The following SETD4 variants were observed in gnomAD, a reference collection of about 807,000 sequenced individuals.
The protein encoded by SETD4 is SET domain-containing protein 4.
In SETD4, 46 loss-of-function variants were observed where a neutral mutation model predicts 58.3. That is an observed-to-expected ratio of 0.79 (90% CI 0.62 to 1.01). The LOEUF (loss-of-function observed/expected upper bound fraction) is 1.01, where lower values mean the gene tolerates loss of function less well. SETD4 is among the 50% of genes least tolerant of loss of function. The pLI is 0.00. For missense variants in SETD4, 490 were observed against 523.3 expected, an observed-to-expected ratio of 0.94 and a Z score of 0.62; for synonymous variants, 190 against 202.6, an observed-to-expected ratio of 0.94 and a Z score of 0.53.
At chr21:36,048,875 G>C (rs888549694) in intron 4 of SETD4, among the ~76,000 whole-genome samples, 2 of 152,074 alleles carry the variant, frequency 1.3e-5, no homozygotes, top group African/African-American at 2.4e-5. Context: ...CCATCACCAT[G>C]ATGGTGCCTA....
chr21:36,040,611 G>GT lies in SETD4; in HGVS notation c.1027dup (p.Thr343AsnfsTer4), dbSNP rs1270871879. On this transcript the variant is annotated frameshift_variant, in exon 9 of 12. Transcript: ENST00000332131. LOFTEE classifies it high-confidence loss of function. ...TTCCAGACATAACAACTTAAGGGCT[G>GT]TGAGTAGCCTCCAAGATGGTCCATC... 9 of 1,613,826 alleles carry GT rather than the reference G, an allele frequency of 5.6e-6. No homozygotes were observed. Among genetic ancestry groups the GT allele is most frequent in the Non-Finnish European group, 7.6e-6 (9 of 1,179,870 alleles).
intron 7 of SETD4, 106 bp downstream of exon 7, chr21:36,043,676 T>A: frequency 6.6e-7 from 1 of 1,513,532 alleles, no homozygotes; most frequent in Non-Finnish European, 8.8e-7. Context: ...GTGATATGTA[T>A]GTCAGTCTTA....
intron 2 of SETD4, chr21:36,057,411 A>G (rs537102881): frequency 1.4e-6 from 1 of 714,680 alleles, no homozygotes; most frequent in Admixed American, 2.0e-5. Flanking sequence ...TTGGGAGGCC[A>G]AGGCGGGAGG....
rs756729646 is a variant in SETD4 at position 36,057,072 on chromosome 21, G to A, written c.169+37C>T. 4.5e-6 allele frequency: 7 copies of A among 1,553,470 alleles called. No individual in the cohort carries two copies. The Admixed American group carries it at 5.0e-5, about 11-fold the overall frequency. On this transcript the variant is annotated intron_variant, in intron 3 of 11. Transcript: ENST00000332131. ...CCCCTGCTGTCTACCTGGCTCTCGTGTGGGAAAGGGCAGGACAGCTGAAGG... is the reference window on the plus strand; with the variant it reads ...CCCCTGCTGTCTACCTGGCTCTCGTATGGGAAAGGGCAGGACAGCTGAAGG...
chr21:36,038,163 G>A lies in SETD4; in HGVS notation c.1175C>T (p.Ala392Val), dbSNP rs2063870994. The A allele has an allele frequency of 3.1e-6, 5 of 1,613,058 alleles. No homozygotes were observed. The East Asian group carries it at 1.1e-4, about 36-fold the overall frequency. ...ICYYFIEETN[A>V]VLQKVSHMKD... ...CTAGAAACATACCTTTTGAAGCACA[G>A]CATTAGTCTCTTCTATGAAATAATA... Residue 392 changes from alanine to valine, a missense_variant, in exon 10 of 12, where the codon GCT (alanine) becomes GTT (valine). Ala to Val is a moderately conservative substitution (Grantham distance 64). Coordinates refer to ENST00000332131, the MANE Select transcript of SETD4 (RefSeq NM_017438.5).
chr21:36,035,005 C>T lies in SETD4; in HGVS notation c.*988G>A, dbSNP rs185674796. On this transcript the variant is annotated 3_prime_UTR_variant, in exon 12 of 12. Coordinates refer to ENST00000332131, the MANE Select transcript of SETD4 (RefSeq NM_017438.5). ...CCTGCCTCCTGAGGCCAGCAGGTCC[C>T]GTTCATTTGGTTTCACTAGGCTCCA... 1.6e-4 allele frequency: 25 copies of T among 152,298 alleles called. No individual in the cohort carries two copies. The highest frequency in any genetic ancestry group is 5.3e-4 in the African/African-American group (22 of 41,554). The allele number at this position is 152,298 out of a possible 1,614,324, so 9.4% of individuals were successfully genotyped here. A position where few individuals can be genotyped will look rare whatever the true frequency, so the allele number is the denominator to read the frequency against.
At chr21:36,041,987 C>A in intron 7 of SETD4, 99 bp from the exon 8 acceptor site, 1 of 618,040 alleles carries the variant, frequency 1.6e-6, no homozygotes, top group Non-Finnish European at 2.8e-6. Flanking sequence ...TTTAGCAACC[C>A]AGACATGCAT....
rs2064076440 is a variant in SETD4, at chr21:36,041,813, T to C, written c.977A>G (p.Tyr326Cys). 6.8e-7 allele frequency: 1 copy of C among 1,480,900 alleles called. No homozygotes were observed. Among genetic ancestry groups the C allele is most frequent in the Non-Finnish European group, 9.2e-7 (1 of 1,084,846 alleles). The allele number at this position is 1,480,900 out of a possible 1,614,324, so 91.7% of individuals were successfully genotyped here. ...KKISILKDHG[Y>C]IENLTFGWDG... is the part of the protein sequence containing the mutation. ...GGGAAAGAGAAACACTTACTCTATA[T>C]AGCCATGATCCTTTAAAATAGAAAT... Residue 326 changes from tyrosine to cysteine, a missense_variant, in exon 8 of 12, where the codon TAT (tyrosine) becomes TGT (cysteine). Transcript: ENST00000332131.
At chr21:36,040,733 A>C in intron 8 of SETD4, 78 bp from the exon 9 acceptor site, 1 of 1,293,882 alleles carries the variant, frequency 7.7e-7, no homozygotes, top group Admixed American at 1.7e-5. Flanking sequence ...TGAAGAGCCA[A>C]ACACCTTTTT....
At chr21:36,044,970 A>G (rs1051276300) in intron 6 of SETD4, among the ~76,000 whole-genome samples, 1 of 152,160 alleles carries the variant, frequency 6.6e-6, no homozygotes, top group Non-Finnish European at 1.5e-5. Context: ...GCTGGGGAGG[A>G]GGCGATCTGT....
chr21:36,048,235 A>C, intron 5 of SETD4, 73 bp downstream of exon 5: 1 of 1,162,898 alleles, frequency 8.6e-7, no homozygotes, highest in South Asian at 1.2e-5. Context: ...TTGTGTCTCA[A>C]GTGACATATT....
At chr21:36,054,622 C>T (rs1247449037) in intron 3 of SETD4, among the ~76,000 whole-genome samples, 2 of 151,304 alleles carry the variant, frequency 1.3e-5, no homozygotes, top group South Asian at 2.1e-4. Flanking sequence ...AGTCCTCCAT[C>T]GGTTTCCTGG....
intron 3 of SETD4, among the ~76,000 whole-genome samples, chr21:36,055,710 CA>C (rs955992163): frequency 1.3e-5 from 2 of 152,208 alleles, no homozygotes; most frequent in African/African-American, 4.8e-5. Context: ...GGGTCACTGC[CA>C]AGCCACCTGC....
Position 36,043,837 on chromosome 21 carries a change from C to T in SETD4, c.846G>A (p.Leu282=), listed in dbSNP as rs781275086. 2 of 1,614,180 alleles carry T rather than the reference C, an allele frequency of 1.2e-6. No individual in the cohort carries two copies. The highest frequency in any genetic ancestry group is 1.7e-6 in the Non-Finnish European group (2 of 1,180,034). Residue 282 remains leucine, a synonymous_variant, in exon 7 of 12, where the codon CTG becomes CTA. Coordinates refer to ENST00000332131, the MANE Select transcript of SETD4 (RefSeq NM_017438.5). ...TATGGACAGAAACAAATCCGTATTC[C>T]AGGAACAGCCGTTGATTATCGTGAG... The part of the protein sequence containing the change: ...YGPHDNQRLF[L]EYGFVSVHNP...
chr21:36,042,938 T>A (rs994407928), intron 7 of SETD4: 1 of 151,938 alleles, frequency 6.6e-6, no homozygotes, highest in Admixed American at 6.6e-5. Context: ...ACTGTCTCTA[T>A]CATATGAAAA....
intron 4 of SETD4, chr21:36,050,809 A>T: frequency 6.2e-7 from 1 of 1,611,444 alleles, no homozygotes; most frequent in Non-Finnish European, 8.5e-7. Flanking sequence ...TATGTTAAAG[A>T]GTCACATGGA....
Position 36,040,646 on chromosome 21 carries a change from T to C in SETD4, c.993A>G (p.Thr331=), listed in dbSNP as rs1196500840. 2 of 1,613,554 alleles carry C rather than the reference T, an allele frequency of 1.2e-6. No individual in the cohort carries two copies. The highest frequency in any genetic ancestry group is 2.7e-5 in the African/African-American group (2 of 74,928). ...TCCAAGATGGTCCATCCCATCCAAATGTCAAATTTCTGAAGTAGAAAAACA... is the reference window on the plus strand; with the variant it reads ...TCCAAGATGGTCCATCCCATCCAAACGTCAAATTTCTGAAGTAGAAAAACA... ...LKDHGYIENL[T]FGWDGPSWRL... is the part of the protein sequence containing the mutation. The change falls in exon 9 of 12, where the codon ACA becomes ACG. Residue 331 remains threonine, a synonymous_variant. Coordinates refer to ENST00000332131, the MANE Select transcript of SETD4 (RefSeq NM_017438.5).
intron 9 of SETD4, 125 bp downstream of exon 9, chr21:36,040,450 T>G (rs1008375150): frequency 1.4e-6 from 1 of 735,280 alleles, no homozygotes; most frequent in African/African-American, 1.7e-5. Context: ...GCAACTCCAA[T>G]GTATGACATC....
At chr21:36,048,818 A>G (rs981647470) in intron 4 of SETD4, among the ~76,000 whole-genome samples, 1 of 151,254 alleles carries the variant, frequency 6.6e-6, no homozygotes. Flanking sequence ...CCCAGGTTCA[A>G]GCGATTCTCC....
Sources: allele counts gnomAD v4.1 joint callset (sites outside exome capture counted in the v4.1 genomes callset), GRCh38; gene constraint gnomAD v4.1.1; transcripts MANE v1.5; gene names NCBI Gene and HGNC (gene_info 2026-07-23, HGNC 2026-07-21).